MAOA: variants seen among roughly 807,000 people sequenced by gnomAD.
MAOA encodes the protein amine oxidase [flavin-containing] A.
In MAOA, 6 loss-of-function variants were observed where a neutral mutation model predicts 42.0. That is an observed-to-expected ratio of 0.14 (90% confidence interval 0.08 to 0.28). The LOEUF (loss-of-function observed/expected upper bound fraction) is 0.28. Ranked by LOEUF, MAOA falls within the 10% of genes least tolerant of loss-of-function variation. The pLI, the probability that MAOA is intolerant of heterozygous loss-of-function variation, is 1.00. For missense variants in MAOA, 262 were observed against 422.3 expected (o/e 0.62, Z 3.33); for synonymous variants, 140 against 154.0 (o/e 0.91, Z 0.67).
chrX:43,711,984 G>A lies in MAOA; in HGVS notation c.411+8G>A, dbSNP rs1343569709. On this transcript the variant is annotated splice_region_variant and intron_variant, in intron 4 of 14. Transcript: ENST00000338702. ...GATAACATGGGGAAGGAGGTAAAATGTGTGTTCAGTTTGCACATGACCCAT... is the reference window on the plus strand; with the variant it reads ...GATAACATGGGGAAGGAGGTAAAATATGTGTTCAGTTTGCACATGACCCAT... 1 of 1,108,632 alleles carries A rather than the reference G, an allele frequency of 9.0e-7. No homozygotes were observed. The highest frequency in any genetic ancestry group is 1.2e-6 in the Non-Finnish European group (1 of 801,869). The allele number at this position is 1,108,632 out of a possible 1,213,427, so 91.4% of individuals were successfully genotyped here.
intron 7 of MAOA, 123 bp from the exon 8 acceptor site, chrX:43,731,571 T>C: frequency 1.1e-6 from 1 of 898,710 alleles, no homozygotes; most frequent in Non-Finnish European, 1.6e-6. Flanking sequence ...AGTTGCCTCA[T>C]TTTCTCATTT....
At chrX:43,684,304 C>T (rs1211546817) in intron 2 of MAOA, among the ~76,000 whole-genome samples, 3 of 110,811 alleles carry the variant, frequency 2.7e-5, no homozygotes, top group Admixed American at 9.7e-5. Flanking sequence ...GGAATGGTTG[C>T]AGGTGGTTGA....
intron 1 of MAOA, among the ~76,000 whole-genome samples, chrX:43,670,678 A>G (rs2033323364): frequency 1.0e-5 from 1 of 96,947 alleles, no homozygotes; most frequent in Non-Finnish European, 2.0e-5. Context: ...ATTCACACCT[A>G]TGAGTGAGAA....
At chrX:43,712,225 C>G (rs753835211) in intron 4 of MAOA, among the ~76,000 whole-genome samples, 8 of 111,327 alleles carry the variant, frequency 7.2e-5, no homozygotes, top group Non-Finnish European at 1.5e-4. Context: ...TATACAAATG[C>G]CTGTGTGCCT....
At chrX:43,718,284 C>T (rs1165819453) in intron 5 of MAOA, among the ~76,000 whole-genome samples, 2 of 102,142 alleles carry the variant, frequency 2.0e-5, no homozygotes, top group Non-Finnish European at 4.0e-5. Flanking sequence ...AATGAGACAC[C>T]TGGGTAGTAG....
At chrX:43,681,098 G>A (rs1472699678) in intron 1 of MAOA, among the ~76,000 whole-genome samples, 2 of 110,544 alleles carry the variant, frequency 1.8e-5, no homozygotes, top group Admixed American at 1.9e-4. Context: ...TTGCTTTCTG[G>A]TATGATTTAG....
intron 12 of MAOA, chrX:43,743,589 G>T: frequency 2.2e-6 from 1 of 456,390 alleles, no homozygotes; most frequent in Non-Finnish European, 3.8e-6. Context: ...CTGATGGCCT[G>T]ATTCTCCCTG....
intron 6 of MAOA, among the ~76,000 whole-genome samples, chrX:43,730,123 G>A (rs767607115): frequency 9.3e-6 from 1 of 107,082 alleles, no homozygotes; most frequent in South Asian, 4.3e-4. Flanking sequence ...GAACCCAGGA[G>A]GCGGAAGTTA....
chrX:43,701,993 T>C (rs1048120993), intron 3 of MAOA, among the ~76,000 whole-genome samples: 5 of 112,148 alleles, frequency 4.5e-5, no homozygotes, highest in African/African-American at 1.6e-4. Flanking sequence ...GACTCAATCA[T>C]TGATCTTTAA....
rs1601921296 is a variant in MAOA at position 43,656,535 on chromosome X, G to A, written c.73+121G>A. 4 of 673,209 alleles carry A rather than the reference G, an allele frequency of 5.9e-6. No individual in the cohort carries two copies. In the East Asian group the frequency reaches 1.4e-4, roughly 23 times the overall value. 55.5% of individuals were successfully genotyped at this position (673,209 alleles called of 1,213,427 possible). On this transcript the variant is annotated intron_variant, in intron 1 of 14. Transcript: ENST00000338702. Reference sequence around the variant, plus strand: ...CATGCGAGAGTGTAGTGTAGCCATGGCTTGGCCCCATATCCTGCGAGGTAG... The same window carrying A: ...CATGCGAGAGTGTAGTGTAGCCATGACTTGGCCCCATATCCTGCGAGGTAG...
At chrX:43,685,169 C>T (rs1246536359) in intron 2 of MAOA, among the ~76,000 whole-genome samples, 1 of 111,128 alleles carries the variant, frequency 9.0e-6, no homozygotes, top group Non-Finnish European at 1.9e-5. Flanking sequence ...CATGAGCCAC[C>T]GCACCCAGCC....
chrX:43,656,732 A>G (rs1422910837), intron 1 of MAOA, among the ~76,000 whole-genome samples: 1 of 111,063 alleles, frequency 9.0e-6, no homozygotes, highest in Non-Finnish European at 1.9e-5. Flanking sequence ...GTGGGAACTA[A>G]ATTCATCCCC....
chrX:43,724,967 C>T (rs1312450783), intron 5 of MAOA, among the ~76,000 whole-genome samples: 2 of 111,680 alleles, frequency 1.8e-5, no homozygotes, highest in Non-Finnish European at 3.8e-5. Context: ...GTTCAGTTTC[C>T]AAGTAGTTGT....
At chrX:43,730,807 T>C (rs2033875403) in intron 6 of MAOA, among the ~76,000 whole-genome samples, 1 of 110,913 alleles carries the variant, frequency 9.0e-6, no homozygotes, top group African/African-American at 3.3e-5. Context: ...TCTGCATCCT[T>C]ACCTGCCTGG....
intron 13 of MAOA, 40 bp downstream of exon 13, chrX:43,743,945 G>A (rs758231209): frequency 3.4e-5 from 40 of 1,167,384 alleles, no homozygotes; most frequent in Non-Finnish European, 4.0e-5. Flanking sequence ...CCCGAGTCAC[G>A]GCAACGTTTT....
intron 1 of MAOA, among the ~76,000 whole-genome samples, chrX:43,676,577 G>A (rs900269312): frequency 1.8e-5 from 2 of 111,236 alleles, no homozygotes; most frequent in Admixed American, 9.6e-5. Context: ...GTTCCTATTC[G>A]GCCATCTTGG....
chrX:43,656,080 C>T, upstream of MAOA: 1 of 408,531 alleles, frequency 2.4e-6, no homozygotes. Flanking sequence ...ATAACTCTCG[C>T]CGAGTGTCAG....
chrX:43,710,559 A>C (rs753752960), intron 3 of MAOA, among the ~76,000 whole-genome samples: 2 of 112,638 alleles, frequency 1.8e-5, no homozygotes, highest in East Asian at 5.6e-4. Context: ...TAAATGTTTT[A>C]ATTAAAAAAA....
At chrX:43,715,145 C>T (rs187006574) in intron 5 of MAOA, among the ~76,000 whole-genome samples, 1 of 89,507 alleles carries the variant, frequency 1.1e-5, no homozygotes, top group Non-Finnish European at 2.3e-5. Flanking sequence ...TGGAATTTTC[C>T]AGGAATGGTC....
Sources: allele counts gnomAD v4.1 joint callset (sites outside exome capture counted in the v4.1 genomes callset), GRCh38; gene constraint gnomAD v4.1.1; transcripts MANE v1.5; gene names NCBI Gene and HGNC (gene_info 2026-07-23, HGNC 2026-07-21).